NEXMIF: variants seen among roughly 807,000 people sequenced by gnomAD.
NEXMIF encodes the protein XLMR protein related to neurite extension.
A neutral mutation model predicts 62.1 loss-of-function variants in NEXMIF; 8 were observed. The ratio of observed to expected loss-of-function variants is 0.13; its 90% CI spans 0.08 to 0.23. The LOEUF (loss-of-function observed/expected upper bound fraction) is 0.23. Ranked by LOEUF, NEXMIF falls within the 10% of genes least tolerant of loss-of-function variation. NEXMIF has a pLI of 1.00. For missense variants in NEXMIF, 976 were observed against 1,113.3 expected (o/e 0.88, Z 1.75); for synonymous variants, 404 against 416.6 (o/e 0.97, Z 0.37).
chrX:74,741,970 G>A lies in NEXMIF; in HGVS notation c.2587C>T (p.Leu863Phe), dbSNP rs778485933. 5 of 1,211,525 alleles carry A rather than the reference G, an allele frequency of 4.1e-6. No individual in the cohort carries two copies. The Admixed American group carries it at 1.1e-4, about 26-fold the overall frequency. ...AGCTCAGAGTCAGAGGATGAGGTGA[G>A]CACACAGTCCTGGGTAGGCTGGAGG... ...VPLQPTQDCV[L>F]TSSSDSELQQ... is the part of the protein sequence containing the mutation. Residue 863 changes from leucine (L) to phenylalanine (F), a missense_variant, in exon 3 of 4, where the codon CTC becomes TTC. Leu to Phe is a conservative substitution (Grantham distance 22). Around this residue, in one of 5 missense-constraint regions of NEXMIF, gnomAD observed 639 missense variants for 694.5 expected, o/e 0.92. Transcript: ENST00000055682.
chrX:74,877,835 G>T (rs1200331602), intron 1 of NEXMIF, among the ~76,000 whole-genome samples: 1 of 111,614 alleles, frequency 9.0e-6, no homozygotes, highest in African/African-American at 3.3e-5. Flanking sequence ...TTGGTTTTCA[G>T]CTCCATCAGC....
At position 74,742,124 on chromosome X, in the gene NEXMIF, C is replaced by T. The variant is rs375098045; in HGVS notation, c.2433G>A (p.Pro811=). The change falls in exon 3 of 4, where the codon CCG becomes CCA. Residue 811 remains proline, a synonymous_variant. Coordinates refer to ENST00000055682, the MANE Select transcript of NEXMIF (RefSeq NM_001008537.3). ...CTAACAATGTCTGCAGATACCCTCC[C>T]GGGATAACAGGTATATTAGTGGTAA... is the stretch of plus-strand genomic sequence containing the variant. ...ANVTTNIPVI[P]GGYLQTLLDA... 30 of 1,208,421 alleles carry T rather than the reference C, an allele frequency of 2.5e-5. No individual in the cohort carries two copies. Among genetic ancestry groups the T allele is most frequent in the East Asian group, 1.2e-4 (4 of 33,765 alleles).
chrX:74,822,413 T>A (rs1209132609), intron 1 of NEXMIF, among the ~76,000 whole-genome samples: 1 of 111,956 alleles, frequency 8.9e-6, no homozygotes, highest in Non-Finnish European at 1.9e-5. Flanking sequence ...AAAAGTAAAA[T>A]CTTTTGTGCT....
chrX:74,832,280 C>T (rs2080440526), intron 1 of NEXMIF, among the ~76,000 whole-genome samples: 1 of 111,585 alleles, frequency 9.0e-6, no homozygotes, highest in Admixed American at 9.5e-5. Context: ...GATCTCATTA[C>T]TTGTAATTGG....
intron 1 of NEXMIF, among the ~76,000 whole-genome samples, chrX:74,787,104 C>CAAAAAAAAA (rs766388500): frequency 0.022 from 630 of 29,190 alleles, 1 homozygote; most frequent in Non-Finnish European, 0.026. Context: ...ACCAAAAATA[C>CAAAAAAAAA]AAAAAAAAAA....
At chrX:74,803,859 A>G (rs571322339) in intron 1 of NEXMIF, among the ~76,000 whole-genome samples, 1 of 111,188 alleles carries the variant, frequency 9.0e-6, no homozygotes, top group South Asian at 3.8e-4. Context: ...CAGACAAACA[A>G]AAGCTGAGGA....
At chrX:74,785,257 C>T (rs1050855891) in intron 1 of NEXMIF, among the ~76,000 whole-genome samples, 7 of 111,057 alleles carry the variant, frequency 6.3e-5, no homozygotes, top group Non-Finnish European at 1.1e-4. Flanking sequence ...ATGAGGATTA[C>T]CACCTCCATT....
In NEXMIF at chrX:74,737,238, C is replaced by T. The variant is rs1042432967; in HGVS notation, c.*2167G>A. 4 of 111,268 alleles carry T rather than the reference C, an allele frequency of 3.6e-5. No individual in the cohort carries two copies. Among genetic ancestry groups the T allele is most frequent in the Admixed American group, 9.6e-5 (1 of 10,395 alleles). 9.2% of individuals were successfully genotyped at this position (111,268 alleles called of 1,213,427 possible). ...GTGATTCCAAGCCAAAATTCAGCTGCAAAACAGAAAAATCAAAAACAAAAA... is the reference window on the plus strand; with the variant it reads ...GTGATTCCAAGCCAAAATTCAGCTGTAAAACAGAAAAATCAAAAACAAAAA... On this transcript the variant is annotated 3_prime_UTR_variant, in exon 4 of 4. Transcript: ENST00000055682.
chrX:74,777,479 A>G (rs1219441143), intron 1 of NEXMIF, among the ~76,000 whole-genome samples: 1 of 111,930 alleles, frequency 8.9e-6, no homozygotes, highest in Non-Finnish European at 1.9e-5. Context: ...ATTTAAAAAT[A>G]TACAATAAAT....
intron 1 of NEXMIF, among the ~76,000 whole-genome samples, chrX:74,807,835 C>T (rs751803870): frequency 9.0e-5 from 10 of 111,600 alleles, no homozygotes; most frequent in Non-Finnish European, 1.7e-4. Context: ...GAGTGAATAG[C>T]CTTGTCTCGT....
chrX:74,771,986 C>A (rs2080211666), intron 1 of NEXMIF, among the ~76,000 whole-genome samples: 1 of 111,199 alleles, frequency 9.0e-6, no homozygotes, highest in Non-Finnish European at 1.9e-5. Context: ...TCCCCAGGAT[C>A]CTGTGGTAAT....
intron 1 of NEXMIF, among the ~76,000 whole-genome samples, chrX:74,892,326 C>A (rs987264705): frequency 1.3e-4 from 15 of 112,335 alleles, no homozygotes; most frequent in African/African-American, 3.6e-4. Flanking sequence ...GCTTCCAAGA[C>A]TTTACAGGGC....
At position 74,745,608 on chromosome X, in the gene NEXMIF, C is replaced by T. The variant is rs752877406; in HGVS notation, c.43G>A (p.Gly15Arg). ...QDKAIVASAN[G>R]ENTLINGVKE... ...ACCCCATTAATCAGAGTGTTTTCTC[C>T]GTTGGCTGAGGCAACAATAGCCTTA... The change falls in exon 2 of 4, where the codon GGA (glycine) becomes AGA (arginine). Residue 15 changes from glycine (G) to arginine (R), a missense_variant. By Grantham distance (125) the Gly-to-Arg change is moderately radical. Coordinates refer to ENST00000055682, the MANE Select transcript of NEXMIF (RefSeq NM_001008537.3). 5.8e-6 allele frequency: 7 copies of T among 1,200,898 alleles called. No individual in the cohort carries two copies. Among genetic ancestry groups the T allele is most frequent in the Non-Finnish European group, 6.8e-6 (6 of 887,277 alleles).
At chrX:74,877,862 C>G (rs1338755072) in intron 1 of NEXMIF, among the ~76,000 whole-genome samples, 1 of 111,846 alleles carries the variant, frequency 8.9e-6, no homozygotes, top group Non-Finnish European at 1.9e-5. Context: ...AAGCACTTCT[C>G]TGTATTGGTT....
chrX:74,797,488 T>A (rs2080315839), intron 1 of NEXMIF, among the ~76,000 whole-genome samples: 1 of 111,920 alleles, frequency 8.9e-6, no homozygotes, highest in Non-Finnish European at 1.9e-5. Flanking sequence ...CAAATAAAGT[T>A]TAAAAATTAA....
chrX:74,856,749 G>A (rs2080536441), intron 1 of NEXMIF, among the ~76,000 whole-genome samples: 1 of 111,844 alleles, frequency 8.9e-6, no homozygotes, highest in African/African-American at 3.3e-5. Flanking sequence ...ATTTCTGAAA[G>A]AGGCACTAAA....
intron 1 of NEXMIF, among the ~76,000 whole-genome samples, chrX:74,874,372 AC>A (rs1323642222): frequency 9.4e-6 from 1 of 106,724 alleles, no homozygotes; most frequent in Non-Finnish European, 1.9e-5. Flanking sequence ...TGGTACCAGT[AC>A]CATGCTGTTT....
chrX:74,806,975 T>C (rs1025859711), intron 1 of NEXMIF, among the ~76,000 whole-genome samples: 3 of 112,704 alleles, frequency 2.7e-5, no homozygotes, highest in African/African-American at 9.7e-5. Context: ...AATTGCATAG[T>C]GTCAGCCCTC....
At chrX:74,746,693 C>T (rs751756572) in intron 1 of NEXMIF, among the ~76,000 whole-genome samples, 37 of 112,540 alleles carry the variant, frequency 3.3e-4, no homozygotes, top group Non-Finnish European at 6.6e-4. Context: ...AACAGTTCCA[C>T]GTGATTCAAT....
Sources: allele counts gnomAD v4.1 joint callset (sites outside exome capture counted in the v4.1 genomes callset), GRCh38; gene constraint gnomAD v4.1.1; regional missense constraint gnomAD v4.1.1; transcripts MANE v1.5; gene names NCBI Gene and HGNC (gene_info 2026-07-23, HGNC 2026-07-21).